KIN: variants seen among roughly 807,000 people sequenced by gnomAD.
KIN encodes the protein DNA/RNA-binding protein KIN17.
A neutral mutation model predicts 63.0 loss-of-function variants in KIN; 47 were observed. That is an observed-to-expected ratio of 0.75 (90% confidence interval 0.59 to 0.95). The LOEUF (loss-of-function observed/expected upper bound fraction) is 0.95. Ranked by LOEUF, KIN falls within the 40% of genes least tolerant of loss-of-function variation. The probability of loss-of-function intolerance (pLI) is 0.00; values close to 1 mark genes in which losing one functional copy is unlikely to be tolerated. For missense variants in KIN, 408 were observed against 460.9 expected, an observed-to-expected ratio of 0.89 and a Z score of 1.05; for synonymous variants, 160 against 157.7, an observed-to-expected ratio of 1.01 and a Z score of -0.11.
At chr10:7,762,960 A>C (rs1486605534) in intron 10 of KIN, among the ~76,000 whole-genome samples, 1 of 152,226 alleles carries the variant, frequency 6.6e-6, no homozygotes, top group Non-Finnish European at 1.5e-5. Context: ...TACAAACTTT[A>C]AAATCTCAGA....
At position 7,778,960 on chromosome 10, in the gene KIN, G is replaced by T; in HGVS notation, c.436C>A (p.Pro146Thr). 6.2e-7 allele frequency: 1 copy of T among 1,613,738 alleles called. No homozygotes were observed. Residue 146 changes from proline to threonine, a missense_variant, in exon 5 of 13, where the codon CCA becomes ACA. Around this residue, in one of 2 missense-constraint regions of KIN, gnomAD observed 298 missense variants for 296.0 expected, o/e 1.01. Transcript: ENST00000379562. ...GWYIQYIDRD[P>T]ETIRRQLELE... ...TCCAGTTGCCGGCGGATAGTTTCTG[G>T]GTCCCTGTCTATGTACTGAATATAC...
At chr10:7,785,059 G>A (rs1458870907) in intron 1 of KIN, among the ~76,000 whole-genome samples, 1 of 151,732 alleles carries the variant, frequency 6.6e-6, no homozygotes, top group Non-Finnish European at 1.5e-5. Context: ...AGACCAGCCT[G>A]GGCAACATGG....
intron 7 of KIN, among the ~76,000 whole-genome samples, chr10:7,769,862 T>G (rs1276418515): frequency 6.6e-6 from 1 of 152,222 alleles, no homozygotes; most frequent in Non-Finnish European, 1.5e-5. Context: ...CAGTTCTGGT[T>G]TTGTAAAGCA....
rs145812751 is a variant in KIN, at chr10:7,774,271, G to A, written c.668+560C>T. 5.0e-3 allele frequency among the ~76,000 whole-genome samples: 755 copies of A among 152,310 alleles called. 6 individuals are homozygous for A. Among genetic ancestry groups the A allele is most frequent in the South Asian group, 0.017 (82 of 4,824 alleles). ...GGTGTATTTACACTGTACTGGGGAC[G>A]AAGGAGAGAGGTTGATAATCTCTAT... On this transcript the variant is annotated intron_variant, in intron 7 of 12. Coordinates refer to ENST00000379562, the MANE Select transcript of KIN (RefSeq NM_012311.4).
At chr10:7,758,998 T>C (rs1175923125) in intron 12 of KIN, among the ~76,000 whole-genome samples, 2 of 151,674 alleles carry the variant, frequency 1.3e-5, no homozygotes, top group African/African-American at 4.8e-5. Flanking sequence ...AGGACCTAAA[T>C]GGTTTTTCCA....
At chr10:7,765,493 A>G in intron 9 of KIN, among the ~76,000 whole-genome samples, 1 of 152,204 alleles carries the variant, frequency 6.6e-6, no homozygotes, top group Non-Finnish European at 1.5e-5. Flanking sequence ...TGTCTCAGTA[A>G]GTCTAAAATA....
At chr10:7,767,821 T>C (rs909371689) in intron 8 of KIN, among the ~76,000 whole-genome samples, 1 of 142,902 alleles carries the variant, frequency 7.0e-6, no homozygotes, top group Non-Finnish European at 1.5e-5. Context: ...ATTGCACCAC[T>C]GCACTCCAGC....
intron 5 of KIN, among the ~76,000 whole-genome samples, chr10:7,778,120 G>A (rs932875518): frequency 6.6e-6 from 1 of 152,050 alleles, no homozygotes. Flanking sequence ...GGGCACTGGG[G>A]TTGTATCCAC....
chr10:7,768,378 G>C (rs1588476132), intron 8 of KIN, among the ~76,000 whole-genome samples: 1 of 152,004 alleles, frequency 6.6e-6, no homozygotes, highest in African/African-American at 2.4e-5. Flanking sequence ...AAACTAGCTG[G>C]GTATGGTGGC....
chr10:7,769,210 C>T lies in KIN; in HGVS notation c.798+6G>A, dbSNP rs1835615282. 3.7e-6 allele frequency: 6 copies of T among 1,607,792 alleles called. No individual in the cohort carries two copies. Among genetic ancestry groups the T allele is most frequent in the Non-Finnish European group, 5.1e-6 (6 of 1,178,092 alleles). On this transcript the variant is annotated splice_donor_region_variant and intron_variant, in intron 8 of 12. Transcript: ENST00000379562. Reference sequence around the variant, plus strand: ...AAGGTGTCCACACGCAATCCATAAACTGTACCTCCATGATTTCATCCAGTG... The same window carrying T: ...AAGGTGTCCACACGCAATCCATAAATTGTACCTCCATGATTTCATCCAGTG...
At chr10:7,767,570 C>T (rs1835573224) in intron 8 of KIN, among the ~76,000 whole-genome samples, 1 of 152,076 alleles carries the variant, frequency 6.6e-6, no homozygotes, top group East Asian at 1.9e-4. Flanking sequence ...AGAAGACTAA[C>T]AGCCAGCCGG....
At position 7,780,047 on chromosome 10, in the gene KIN, C is replaced by T. The variant is rs780069106; in HGVS notation, c.376+9G>A. The stretch of plus-strand genomic sequence containing the variant: ...GAAAGAAAAAGCAACTTTAAAATCT[C>T]ATTCTTACCTTCTCTGCCCAGCCAC... On this transcript the variant is annotated intron_variant, in intron 4 of 12. Transcript: ENST00000379562. 1 of 1,608,232 alleles carries T rather than the reference C, an allele frequency of 6.2e-7. No homozygotes were observed.
chr10:7,766,270 T>C (rs1835541910), intron 8 of KIN, 167 bp from the exon 9 acceptor site: 2 of 487,068 alleles, frequency 4.1e-6, no homozygotes, highest in Non-Finnish European at 7.2e-6. Context: ...ACATTACTTG[T>C]CATTAGTTTT....
intron 9 of KIN, among the ~76,000 whole-genome samples, chr10:7,764,977 T>C (rs979568519): frequency 2.0e-5 from 3 of 151,678 alleles, no homozygotes; most frequent in African/African-American, 7.3e-5. Flanking sequence ...CTGACCAACA[T>C]GGAGAAACCC....
chr10:7,770,340 A>T (rs957488681), intron 7 of KIN, among the ~76,000 whole-genome samples: 2 of 152,220 alleles, frequency 1.3e-5, no homozygotes, highest in Non-Finnish European at 2.9e-5. Context: ...AGTCACTAAG[A>T]ACAATTTGCT....
At chr10:7,780,232 G>A (rs758639136) in intron 3 of KIN, 32 bp downstream of exon 3, 1 of 1,610,218 alleles carries the variant, frequency 6.2e-7, no homozygotes, top group South Asian at 1.1e-5. Flanking sequence ...CATTTATAAA[G>A]CTGTTATTTG....
intron 1 of KIN, 80 bp from the exon 2 acceptor site, chr10:7,783,255 A>C (rs1278514325): frequency 6.7e-6 from 4 of 598,252 alleles, no homozygotes; most frequent in African/African-American, 5.8e-5. Context: ...GTTAAAACCC[A>C]AAAAATCTGC....
In KIN at chr10:7,779,008, C is replaced by CT; in HGVS notation, c.387dup (p.Val130SerfsTer35). 1 of 1,610,366 alleles carries CT rather than the reference C, an allele frequency of 6.2e-7. No homozygotes were observed. Among genetic ancestry groups the CT allele is most frequent in the South Asian group, 1.1e-5 (1 of 90,228 alleles). ...TACCAGCCTTTTGGTGTCTCGTCCA[C>CT]TTTGCACAAGCCTTAAAAAAACAGC... On this transcript the variant is annotated frameshift_variant, in exon 5 of 13. Transcript: ENST00000379562. LOFTEE classifies it high-confidence loss of function.
intron 8 of KIN, 39 bp downstream of exon 8, chr10:7,769,177 T>C (rs571681428): frequency 6.5e-7 from 1 of 1,538,638 alleles, no homozygotes; most frequent in Non-Finnish European, 8.7e-7. Flanking sequence ...TAATTTTCCT[T>C]GGGTTCTAAG....
Sources: allele counts gnomAD v4.1 joint callset (sites outside exome capture counted in the v4.1 genomes callset), GRCh38; gene constraint gnomAD v4.1.1; regional missense constraint gnomAD v4.1.1; transcripts MANE v1.5; gene names NCBI Gene and HGNC (gene_info 2026-07-23, HGNC 2026-07-21).